SORCS1: variants seen among roughly 807,000 people sequenced by gnomAD.
SORCS1 encodes sortilin related VPS10 domain containing receptor 1, also known as VPS10 domain-containing receptor SorCS1.
SORCS1 carries 60 observed loss-of-function variants against 146.1 expected under a neutral mutation model. That is an observed-to-expected ratio of 0.41 (90% confidence interval 0.33 to 0.51). The LOEUF (loss-of-function observed/expected upper bound fraction) is 0.51. SORCS1 is among the 20% of genes least tolerant of loss of function. SORCS1 has a pLI of 0.21. For synonymous variants in SORCS1, 637 were observed against 584.0 expected, an observed-to-expected ratio of 1.09 and a Z score of -1.31; for missense variants, 1,352 against 1,487.6, an observed-to-expected ratio of 0.91 and a Z score of 1.50.
chr10:106,670,619 A>G (rs1589623153), intron 16 of SORCS1, among the ~76,000 whole-genome samples: 1 of 151,808 alleles, frequency 6.6e-6, no homozygotes, highest in South Asian at 2.1e-4. Flanking sequence ...TTGAGCATAG[A>G]TGTTTGTTTG....
chr10:106,589,697 G>GAAAA (rs1157873689), intron 24 of SORCS1, among the ~76,000 whole-genome samples: 53 of 55,630 alleles, frequency 9.5e-4, no homozygotes, highest in East Asian at 1.8e-3. Flanking sequence ...CTTTGACGAC[G>GAAAA]AAAAAAAAAA....
chr10:106,912,121 A>AC (rs1554881879), intron 2 of SORCS1, among the ~76,000 whole-genome samples: 25 of 149,046 alleles, frequency 1.7e-4, no homozygotes, highest in African/African-American at 4.0e-4. Context: ...TCAAAAAAAA[A>AC]AAACAAACAA....
At chr10:106,651,656 C>T (rs537229001) in intron 18 of SORCS1, among the ~76,000 whole-genome samples, 59 of 152,228 alleles carry the variant, frequency 3.9e-4, no homozygotes, top group Admixed American at 9.2e-4. Context: ...ACCCAGAAAA[C>T]GTGACTGAGG....
At chr10:106,979,294 G>A (rs751868410) in intron 1 of SORCS1, among the ~76,000 whole-genome samples, 1 of 152,128 alleles carries the variant, frequency 6.6e-6, no homozygotes, top group Non-Finnish European at 1.5e-5. Context: ...TAGGAAGTTT[G>A]TAAGACAGTA....
chr10:107,024,703 T>C (rs868337116), intron 1 of SORCS1, among the ~76,000 whole-genome samples: 2 of 152,140 alleles, frequency 1.3e-5, no homozygotes, highest in Non-Finnish European at 1.5e-5. Flanking sequence ...GTCAATCTTG[T>C]TTTATTTGTA....
chr10:106,894,380 C>A lies in SORCS1; in HGVS notation c.626+62133G>T, dbSNP rs142173189. On this transcript the variant is annotated intron_variant, in intron 2 of 25. Transcript: ENST00000263054. ...GCTGTTACATGTTCTGGGTAGAAAA[C>A]TTTTTTTTCTTTTTTTAAAGACATT... Among the ~76,000 whole-genome samples the A allele has an allele frequency of 3.0e-3, 447 of 151,402 alleles. 3 individuals are homozygous for A. The highest frequency in any genetic ancestry group is 0.01 in the African/African-American group (421 of 41,268).
At chr10:107,016,358 G>C (rs1433241674) in intron 1 of SORCS1, among the ~76,000 whole-genome samples, 2 of 152,100 alleles carry the variant, frequency 1.3e-5, no homozygotes, top group Non-Finnish European at 2.9e-5. Flanking sequence ...AATTCAATTA[G>C]CCAGGTGCAG....
intron 1 of SORCS1, among the ~76,000 whole-genome samples, chr10:107,012,046 C>T (rs1957717378): frequency 6.6e-6 from 1 of 152,190 alleles, no homozygotes; most frequent in Non-Finnish European, 1.5e-5. Context: ...TCGAAGATAA[C>T]ATGTTCAAAT....
At chr10:106,827,431 C>A (rs1395845886) in intron 3 of SORCS1, among the ~76,000 whole-genome samples, 1 of 152,122 alleles carries the variant, frequency 6.6e-6, no homozygotes, top group Non-Finnish European at 1.5e-5. Context: ...CTTTCAATTA[C>A]AAAACGTCAT....
intron 9 of SORCS1, among the ~76,000 whole-genome samples, chr10:106,694,767 T>A (rs1638490399): frequency 6.6e-6 from 1 of 152,202 alleles, no homozygotes; most frequent in Non-Finnish European, 1.5e-5. Context: ...TGGCTGTCCT[T>A]CATGACACCC....
At chr10:106,951,307 C>T (rs1167623001) in intron 2 of SORCS1, among the ~76,000 whole-genome samples, 6 of 151,924 alleles carry the variant, frequency 3.9e-5, no homozygotes, top group African/African-American at 1.2e-4. Flanking sequence ...GTCAGGAGAT[C>T]GAGACCATCC....
At chr10:107,052,151 A>G (rs564808262) in intron 1 of SORCS1, among the ~76,000 whole-genome samples, 3 of 152,188 alleles carry the variant, frequency 2.0e-5, no homozygotes, top group Non-Finnish European at 4.4e-5. Flanking sequence ...CTTCCAGGTC[A>G]TTAATGAAGC....
At chr10:106,655,553 A>T (rs989137719) in intron 17 of SORCS1, among the ~76,000 whole-genome samples, 3 of 152,142 alleles carry the variant, frequency 2.0e-5, no homozygotes, top group Non-Finnish European at 4.4e-5. Flanking sequence ...CACTGTTCTG[A>T]TCAATCATTA....
At chr10:107,163,827 T>C in intron 1 of SORCS1, 142 bp downstream of exon 1, 2 of 918,484 alleles carry the variant, frequency 2.2e-6, no homozygotes, top group East Asian at 5.3e-5. Context: ...TGTTAACTCT[T>C]GGGGGAAGTG....
At chr10:106,706,844 C>T (rs1854569954) in intron 7 of SORCS1, among the ~76,000 whole-genome samples, 2 of 152,158 alleles carry the variant, frequency 1.3e-5, no homozygotes, top group Admixed American at 1.3e-4. Flanking sequence ...ACCTACTGGA[C>T]AAAAATACAA....
chr10:107,044,830 A>AT (rs1200450631), intron 1 of SORCS1, among the ~76,000 whole-genome samples: 3 of 151,624 alleles, frequency 2.0e-5, no homozygotes, highest in African/African-American at 7.3e-5. Flanking sequence ...AAAAAAAAAA[A>AT]AAAAAAGTGA....
chr10:106,776,613 C>A lies in SORCS1; in HGVS notation c.806G>T (p.Arg269Leu), dbSNP rs770382149. 1 of 1,613,998 alleles carries A rather than the reference C, an allele frequency of 6.2e-7. No individual in the cohort carries two copies. The highest frequency in any genetic ancestry group is 1.3e-5 in the African/African-American group (1 of 75,012). The part of the protein sequence containing the change: ...SDEGATYQKY[R>L]LNFYIQSLLF... ...CAAGCTTTGAATGTAGAAGTTCAGC[C>A]GGTACTTTTGATAAGTTGCCCCTTC... The change falls in exon 4 of 26, where the codon CGG (arginine) becomes CTG (leucine). Residue 269 changes from arginine to leucine, a missense_variant. By Grantham distance (102) the Arg-to-Leu change is moderately radical. Transcript: ENST00000263054.
At chr10:106,755,584 T>TTGTGTGTG (rs57442916) in intron 5 of SORCS1, among the ~76,000 whole-genome samples, 119 of 149,938 alleles carry the variant, frequency 7.9e-4, no homozygotes, top group African/African-American at 2.9e-3. Context: ...AACATAATCT[T>TTGTGTGTG]TGTGTGTGTG....
intron 19 of SORCS1, among the ~76,000 whole-genome samples, chr10:106,623,341 C>G (rs111810244): frequency 0.013 from 1,940 of 150,712 alleles, 44 homozygotes; most frequent in African/African-American, 0.046. Context: ...CTCCCAGGTT[C>G]AAGCAATCCT....
Sources: allele counts gnomAD v4.1 joint callset (sites outside exome capture counted in the v4.1 genomes callset), GRCh38; gene constraint gnomAD v4.1.1; transcripts MANE v1.5; gene names NCBI Gene and HGNC (gene_info 2026-07-23, HGNC 2026-07-21).